Variants in STARD10 observed in about 807,000 individuals in gnomAD.
STARD10 encodes the protein StAR related lipid transfer domain containing 10.
A neutral mutation model predicts 36.0 loss-of-function variants in STARD10; 24 were observed. That is an observed-to-expected ratio of 0.67 (90% CI 0.48 to 0.94). The LOEUF is 0.94. STARD10 is among the 40% of genes least tolerant of loss of function. The probability of loss-of-function intolerance (pLI) is 0.00; values close to 1 mark genes in which losing one functional copy is unlikely to be tolerated. For synonymous variants in STARD10, 156 were observed against 161.9 expected, an observed-to-expected ratio of 0.96 and a Z score of 0.28; for missense variants, 335 against 396.6, an observed-to-expected ratio of 0.84 and a Z score of 1.32.
intron 2 of STARD10, among the ~76,000 whole-genome samples, chr11:72,764,649 G>A (rs893332882): frequency 1.3e-5 from 2 of 152,206 alleles, no homozygotes; most frequent in African/African-American, 4.8e-5. Context: ...TTGTTCCTGC[G>A]GGCGGCGGTG....
At chr11:72,758,381 G>A (rs1858673691) in intron 4 of STARD10, 149 bp downstream of exon 4, 3 of 671,896 alleles carry the variant, frequency 4.5e-6, no homozygotes, top group Non-Finnish European at 5.3e-6. Flanking sequence ...AGGGAGAGAG[G>A]AGCCATTATC....
intron 2 of STARD10, among the ~76,000 whole-genome samples, chr11:72,776,214 G>A (rs12223292): frequency 0.2 from 30,729 of 152,084 alleles, 3,556 homozygotes; most frequent in Middle Eastern, 0.36. Context: ...TCCTCACTCT[G>A]TGTCCAGCAG....
Position 72,763,771 on chromosome 11 carries a change from C to T in STARD10, c.208-4390G>A, listed in dbSNP as rs7105097. 7.3e-3 allele frequency among the ~76,000 whole-genome samples: 1,105 copies of T among 152,304 alleles called. 19 individuals are homozygous for T. The highest frequency in any genetic ancestry group is 0.025 in the African/African-American group (1,059 of 41,552). ...AGACAGAGGCCGGATCTGGCATCATCGTTAGCATCCAAACAGCCTCCTAAG... is the reference window on the plus strand; with the variant it reads ...AGACAGAGGCCGGATCTGGCATCATTGTTAGCATCCAAACAGCCTCCTAAG... On this transcript the variant is annotated intron_variant, in intron 2 of 6. Coordinates refer to ENST00000334805, the MANE Select transcript of STARD10 (RefSeq NM_006645.3).
rs1260685972 is a variant in STARD10 at position 72,781,316 on chromosome 11, G to A, written c.-113-22C>T. The A allele has an allele frequency of 1.4e-6, 1 of 724,942 alleles. No individual in the cohort carries two copies. The highest frequency in any genetic ancestry group is 2.7e-5 in the East Asian group (1 of 36,986). The allele number at this position is 724,942 out of a possible 1,614,324, so 44.9% of individuals were successfully genotyped here. ...GGACCTGCAAGACCGGTTTGGGGAC[G>A]GGAATCAGTGCGCTGGGGGCGCGGG... On this transcript the variant is annotated intron_variant, in intron 1 of 6. Coordinates refer to ENST00000334805, the MANE Select transcript of STARD10 (RefSeq NM_006645.3). The surrounding 1 kb of genome is among the most constrained non-coding windows in gnomAD (Gnocchi z 4.7).
rs1858999742 is a variant in STARD10 at position 72,781,632 on chromosome 11, AGGAGGGGCG to A, written c.-113-347_-113-339del. ...GCGGGCGCGGGGCGGGTGGCGGGGC[AGGAGGGGCG>A]CCCTCCAGGCCGGGCTGCTCACCTT... On this transcript the variant is annotated intron_variant, in intron 1 of 6. Transcript: ENST00000334805. This position sits in a 1 kb window ranked among gnomAD's most constrained non-coding sequence, Gnocchi z 4.7. The A allele has an allele frequency of 6.8e-6, 1 of 146,448 alleles. No individual in the cohort carries two copies. Among genetic ancestry groups the A allele is most frequent in the Admixed American group, 6.8e-5 (1 of 14,722 alleles). The allele number at this position is 146,448 out of a possible 1,614,324, so 9.1% of individuals were successfully genotyped here. A position where few individuals can be genotyped will look rare whatever the true frequency, so the allele number is the denominator to read the frequency against.
At chr11:72,763,412 A>C (rs1443395701) in intron 2 of STARD10, among the ~76,000 whole-genome samples, 4 of 152,230 alleles carry the variant, frequency 2.6e-5, no homozygotes, top group Admixed American at 1.3e-4. Context: ...ATAGCACCTT[A>C]ATCAAGTGAT....
At chr11:72,771,777 C>T (rs1380259408) in intron 2 of STARD10, among the ~76,000 whole-genome samples, 1 of 152,154 alleles carries the variant, frequency 6.6e-6, no homozygotes, top group African/African-American at 2.4e-5. Context: ...GGCCTCCTGC[C>T]CTGTACCTCT....
chr11:72,779,865 C>G (rs1360216038), intron 2 of STARD10, among the ~76,000 whole-genome samples: 2 of 152,070 alleles, frequency 1.3e-5, no homozygotes, highest in Non-Finnish European at 2.9e-5. Context: ...ATGATTAAGA[C>G]AAAGTGAGGC....
At chr11:72,763,272 T>A (rs1184420761) in intron 2 of STARD10, among the ~76,000 whole-genome samples, 1 of 152,236 alleles carries the variant, frequency 6.6e-6, no homozygotes, top group Non-Finnish European at 1.5e-5. Flanking sequence ...TATACAGGTA[T>A]GAATAAACAA....
At chr11:72,768,825 C>G (rs918114223) in intron 2 of STARD10, among the ~76,000 whole-genome samples, 1 of 152,216 alleles carries the variant, frequency 6.6e-6, no homozygotes, top group South Asian at 2.1e-4. Context: ...ATCCTCCATG[C>G]CTTGCAGGGG....
rs1555023007 is a variant in STARD10 at position 72,761,917 on chromosome 11, C to CTTTTCTT, written c.208-2537_208-2536insAAGAAAA. Among the ~76,000 whole-genome samples, 64 of 37,486 alleles carry CTTTTCTT rather than the reference C, an allele frequency of 1.7e-3. 1 individual carries two copies. Among genetic ancestry groups the CTTTTCTT allele is most frequent in the Non-Finnish European group, 2.2e-3 (46 of 21,014 alleles). 24.6% of individuals were successfully genotyped at this position (37,486 alleles called of 152,430 possible). ...TCTGTATTTCTTTTTCTTTTCTTTTCTTTTTTTTTTTTTTTTTTTTTTTTT... is the reference window on the plus strand; with the variant it reads ...TCTGTATTTCTTTTTCTTTTCTTTTCTTTTCTTTTTTTTTTTTTTTTTTTTTTTTTTT... On this transcript the variant is annotated intron_variant, in intron 2 of 6. Transcript: ENST00000334805.
chr11:72,786,927 A>G (rs190529593), intron 1 of STARD10, among the ~76,000 whole-genome samples: 1 of 152,130 alleles, frequency 6.6e-6, no homozygotes, highest in East Asian at 1.9e-4. Flanking sequence ...AAAAAAATGT[A>G]AAACTTAGCT....
intron 2 of STARD10, among the ~76,000 whole-genome samples, chr11:72,767,828 A>G (rs1858811760): frequency 1.3e-5 from 2 of 152,212 alleles, no homozygotes; most frequent in Admixed American, 1.3e-4. Flanking sequence ...CTGAGCCCCA[A>G]CATCTCATCT....
At chr11:72,792,175 G>A (rs1017229904) in intron 1 of STARD10, among the ~76,000 whole-genome samples, 1 of 150,030 alleles carries the variant, frequency 6.7e-6, no homozygotes, top group Non-Finnish European at 1.5e-5. Flanking sequence ...CCAGCCTCCC[G>A]AGTAGCTGGG....
chr11:72,783,157 C>A (rs1444259656), intron 1 of STARD10, among the ~76,000 whole-genome samples: 1 of 152,156 alleles, frequency 6.6e-6, no homozygotes, highest in East Asian at 1.9e-4. Context: ...GTGTTTCTTC[C>A]TGAAGTGCTT....
intron 1 of STARD10, among the ~76,000 whole-genome samples, chr11:72,786,381 T>G (rs1859071334): frequency 6.6e-6 from 1 of 151,228 alleles, no homozygotes; most frequent in South Asian, 2.1e-4. Flanking sequence ...AAAAAAAGGT[T>G]CAGCACCAAG....
intron 1 of STARD10, among the ~76,000 whole-genome samples, chr11:72,788,574 C>CCT (rs1859103303): frequency 6.8e-6 from 1 of 146,602 alleles, no homozygotes; most frequent in African/African-American, 2.5e-5. Context: ...GAAATTCAGC[C>CCT]TTTTTTTTTT....
At chr11:72,768,404 C>T (rs1858818448) in intron 2 of STARD10, among the ~76,000 whole-genome samples, 1 of 151,832 alleles carries the variant, frequency 6.6e-6, no homozygotes, top group Admixed American at 6.6e-5. Flanking sequence ...GTTTCTGGGG[C>T]CCCCAAAATG....
intron 3 of STARD10, 24 bp from the exon 4 acceptor site, chr11:72,758,657 A>T: frequency 6.4e-7 from 1 of 1,567,380 alleles, no homozygotes; most frequent in Non-Finnish European, 8.8e-7. Context: ...GGGACAGTTC[A>T]GCCAGACCAC....
Sources: gnomAD v4.1 joint callset for allele counts (sites outside exome capture counted in the v4.1 genomes callset) on GRCh38, gnomAD v4.1.1 for gene constraint, Gnocchi (gnomAD v3.1) non-coding constraint, MANE v1.5 for transcripts, NCBI Gene and HGNC (gene_info 2026-07-23, HGNC 2026-07-21) for gene names.